Variants in LRRK1 observed in about 807,000 individuals in gnomAD.
LRRK1 encodes leucine rich repeat kinase 1, also known as leucine-rich repeat serine/threonine-protein kinase 1.
LRRK1 carries 113 observed loss-of-function variants against 209.1 expected under a neutral mutation model. The ratio of observed to expected loss-of-function variants is 0.54; its 90% confidence interval spans 0.46 to 0.63. The LOEUF (loss-of-function observed/expected upper bound fraction) is 0.63. Ranked by LOEUF, LRRK1 falls within the 30% of genes least tolerant of loss-of-function variation. The pLI, the probability that LRRK1 is intolerant of heterozygous loss-of-function variation, is 0.00. For synonymous variants in LRRK1, 1,144 were observed against 1,099.7 expected, an observed-to-expected ratio of 1.04 and a Z score of -0.80; for missense variants, 2,284 against 2,632.2, an observed-to-expected ratio of 0.87 and a Z score of 2.89.
At chr15:100,987,520 T>C (rs1184698637) in intron 4 of LRRK1, among the ~76,000 whole-genome samples, 1 of 152,220 alleles carries the variant, frequency 6.6e-6, no homozygotes, top group Non-Finnish European at 1.5e-5. Flanking sequence ...TTGTCACTTT[T>C]AGGCCTGACA....
chr15:101,062,253 G>C (rs534574095), intron 30 of LRRK1: 1 of 260,698 alleles, frequency 3.8e-6, no homozygotes, highest in African/African-American at 2.2e-5. Flanking sequence ...TGCGGCGTGA[G>C]TCCACTTTGC....
In LRRK1 at chr15:101,076,458, T is replaced by G. The variant is rs1451429058; in HGVS notation, c.*7610T>G. On this transcript the variant is annotated 3_prime_UTR_variant, in exon 34 of 34. Coordinates refer to ENST00000388948, the MANE Select transcript of LRRK1 (RefSeq NM_024652.6). ...CATGACTGCATCTCTCTGATCCACC[T>G]GACGTTCACCCCATTTCCCCACATT... The G allele has an allele frequency of 6.6e-6, 1 of 152,020 alleles. No homozygotes were observed. Among genetic ancestry groups the G allele is most frequent in the East Asian group, 1.9e-4 (1 of 5,186 alleles). The allele number at this position is 152,020 out of a possible 1,614,324, so 9.4% of individuals were successfully genotyped here. A position where few individuals can be genotyped will look rare whatever the true frequency, so the allele number is the denominator to read the frequency against.
At chr15:100,943,362 A>G (rs534684371) in intron 2 of LRRK1, among the ~76,000 whole-genome samples, 16 of 152,376 alleles carry the variant, frequency 1.1e-4, no homozygotes, top group Admixed American at 9.8e-4. Flanking sequence ...TAATACTAGC[A>G]TCTGATGGGG....
At chr15:100,988,263 C>T (rs67525932) in intron 4 of LRRK1, among the ~76,000 whole-genome samples, 33,039 of 149,664 alleles carry the variant, frequency 0.22, 3,905 homozygotes, top group East Asian at 0.5. Flanking sequence ...AAGCATGGGA[C>T]TCAATAGGTA....
At chr15:101,015,146 C>T (rs1567233679) in intron 11 of LRRK1, among the ~76,000 whole-genome samples, 180 bp from the exon 12 acceptor site, 11 of 152,082 alleles carry the variant, frequency 7.2e-5, no homozygotes, top group Admixed American at 6.5e-4. Context: ...AGGACCTCTG[C>T]GGGGAGGGGT....
At position 101,066,000 on chromosome 15, in the gene LRRK1, T is replaced by C. The variant is rs61733308; in HGVS notation, c.5563T>C (p.Ser1855Pro). 7 of 1,613,790 alleles carry C rather than the reference T, an allele frequency of 4.3e-6. No individual in the cohort carries two copies. Among genetic ancestry groups the C allele is most frequent in the East Asian group, 2.2e-5 (1 of 44,890 alleles). ...ATCCCCACCCCGCCAGGCTGCCAGGTCCCCCTCAAGCCTCCCCAGCTCCCC... is the reference window on the plus strand; with the variant it reads ...ATCCCCACCCCGCCAGGCTGCCAGGCCCCCCTCAAGCCTCCCCAGCTCCCC... ...SSSPPRQAARSPSSLPSSPAS... is the reference protein window; with the variant it reads ...SSSPPRQAARPPSSLPSSPAS... Residue 1855 changes from serine to proline, a missense_variant, in exon 32 of 34, where the codon TCC becomes CCC. Ser to Pro is a moderately conservative substitution (Grantham distance 74, BLOSUM62 -1). This residue lies in a region of LRRK1 where 643 missense variants were observed against 695.9 expected (regional missense o/e 0.92). Transcript: ENST00000388948.
At chr15:100,948,339 C>T (rs898149101) in intron 2 of LRRK1, among the ~76,000 whole-genome samples, 1 of 152,180 alleles carries the variant, frequency 6.6e-6, no homozygotes, top group African/African-American at 2.4e-5. Flanking sequence ...TGGGACACCT[C>T]CTCATGGGTT....
At chr15:100,937,447 A>G (rs2141604723) in intron 2 of LRRK1, among the ~76,000 whole-genome samples, 1 of 152,098 alleles carries the variant, frequency 6.6e-6, no homozygotes, top group Non-Finnish European at 1.5e-5. Flanking sequence ...CTCTTTTCAT[A>G]AGTCTTTAGC....
intron 2 of LRRK1, among the ~76,000 whole-genome samples, chr15:100,969,267 A>G (rs2030702185): frequency 6.6e-6 from 1 of 152,170 alleles, no homozygotes; most frequent in African/African-American, 2.4e-5. Flanking sequence ...TGCCTATTTA[A>G]CTTTAAATGG....
At chr15:101,006,853 T>TA (rs1260211277) in intron 6 of LRRK1, among the ~76,000 whole-genome samples, 23 of 152,230 alleles carry the variant, frequency 1.5e-4, no homozygotes, top group Admixed American at 1.5e-3. Flanking sequence ...TTCTGAAATT[T>TA]AAAAAATTTT....
chr15:100,958,854 G>A (rs2042816696), intron 2 of LRRK1, among the ~76,000 whole-genome samples: 2 of 152,088 alleles, frequency 1.3e-5, no homozygotes, highest in Admixed American at 1.3e-4. Flanking sequence ...ACACTTCTCC[G>A]TTTCTCTCCC....
chr15:101,004,467 T>G (rs2032849748), intron 6 of LRRK1, among the ~76,000 whole-genome samples: 1 of 152,070 alleles, frequency 6.6e-6, no homozygotes, highest in African/African-American at 2.4e-5. Context: ...TCACAAACAC[T>G]GATTTAGTGT....
intron 2 of LRRK1, among the ~76,000 whole-genome samples, chr15:100,960,620 G>A (rs1474775797): frequency 6.6e-6 from 1 of 152,156 alleles, no homozygotes; most frequent in East Asian, 1.9e-4. Context: ...AAAGGGCATG[G>A]TTTCTGTTGT....
intron 6 of LRRK1, among the ~76,000 whole-genome samples, chr15:100,995,389 C>T (rs1438910257): frequency 6.6e-6 from 1 of 152,140 alleles, no homozygotes; most frequent in African/African-American, 2.4e-5. Context: ...TGGCTGGCTG[C>T]TTGGGTTTTG....
chr15:100,920,463 T>C (rs1447700197), intron 1 of LRRK1, among the ~76,000 whole-genome samples: 1 of 152,214 alleles, frequency 6.6e-6, no homozygotes, highest in Non-Finnish European at 1.5e-5. Flanking sequence ...GAAAATAATA[T>C]AACAAACTAA....
intron 32 of LRRK1, among the ~76,000 whole-genome samples, 158 bp downstream of exon 32, chr15:101,066,363 G>A (rs961816338): frequency 1.3e-5 from 2 of 152,202 alleles, no homozygotes; most frequent in Non-Finnish European, 2.9e-5. Context: ...GAATGGAAGC[G>A]ATCGCTTTAG....
chr15:100,992,954 C>T (rs2032226974), intron 6 of LRRK1, among the ~76,000 whole-genome samples: 1 of 152,174 alleles, frequency 6.6e-6, no homozygotes, highest in Non-Finnish European at 1.5e-5. Context: ...AGCCACCGTG[C>T]CCGGCCCATA....
chr15:101,011,194 C>A (rs117867895), intron 9 of LRRK1, among the ~76,000 whole-genome samples: 2 of 151,992 alleles, frequency 1.3e-5, no homozygotes, highest in South Asian at 4.2e-4. Flanking sequence ...TCAGGCCGGG[C>A]GCTATGGCTC....
rs373841325 is a variant in LRRK1 at position 101,049,717 on chromosome 15, A to G, written c.3373A>G (p.Arg1125Gly). The change falls in exon 23 of 34, where the codon AGG becomes GGG. Residue 1125 changes from arginine to glycine, a missense_variant. Transcript: ENST00000388948. The stretch of plus-strand genomic sequence containing the variant: ...GAAAATTGTTTGCCAATCAGAAGTG[A>G]GGGACTTCTCAGCCATGGCTTTCAT... ...GMKIVCQSEV[R>G]DFSAMAFITD... 2 of 1,613,906 alleles carry G rather than the reference A, an allele frequency of 1.2e-6. No homozygotes were observed. Among genetic ancestry groups the G allele is most frequent in the African/African-American group, 2.7e-5 (2 of 74,936 alleles).
Sources: allele counts gnomAD v4.1 joint callset (sites outside exome capture counted in the v4.1 genomes callset), GRCh38; gene constraint gnomAD v4.1.1; regional missense constraint gnomAD v4.1.1; transcripts MANE v1.5; gene names NCBI Gene and HGNC (gene_info 2026-07-23, HGNC 2026-07-21).